The following FAT3 variants were observed in gnomAD, a reference collection of about 807,000 sequenced individuals.
FAT3 encodes FAT atypical cadherin 3, also known as protocadherin Fat 3.
Under a neutral mutation model 310.2 loss-of-function variants are expected in FAT3, and 95 were observed. The ratio of observed to expected loss-of-function variants is 0.31; its 90% confidence interval spans 0.26 to 0.36. The LOEUF is 0.36. FAT3 is among the 10% of genes least tolerant of loss of function. The pLI is 1.00. For synonymous variants in FAT3, 2,314 were observed against 2,192.9 expected (o/e 1.06, Z -1.54); for missense variants, 5,408 against 5,715.6 (o/e 0.95, Z 1.74).
At chr11:92,758,383 T>C (rs1000207287) in intron 4 of FAT3, among the ~76,000 whole-genome samples, 2 of 152,166 alleles carry the variant, frequency 1.3e-5, no homozygotes, top group Non-Finnish European at 2.9e-5. Flanking sequence ...TTTACAGGAA[T>C]GTTTGGATTG....
At chr11:92,668,835 C>A (rs1943039240) in intron 3 of FAT3, among the ~76,000 whole-genome samples, 1 of 152,176 alleles carries the variant, frequency 6.6e-6, no homozygotes, top group Admixed American at 6.5e-5. Context: ...CTTTAATATT[C>A]TGTGGTGCCA....
At chr11:92,434,845 T>A (rs888499287) in intron 2 of FAT3, among the ~76,000 whole-genome samples, 2 of 152,202 alleles carry the variant, frequency 1.3e-5, no homozygotes, top group Non-Finnish European at 2.9e-5. Flanking sequence ...GCCCATATGA[T>A]CTGAAAATCA....
chr11:92,288,808 G>C (rs1017669453), intron 1 of FAT3, among the ~76,000 whole-genome samples: 1 of 152,122 alleles, frequency 6.6e-6, no homozygotes, highest in African/African-American at 2.4e-5. Flanking sequence ...TTGCTAAAAA[G>C]GAGTATCATA....
chr11:92,587,157 C>T (rs1347484811), intron 3 of FAT3, among the ~76,000 whole-genome samples: 1 of 151,894 alleles, frequency 6.6e-6, no homozygotes, highest in Admixed American at 6.6e-5. Flanking sequence ...ATTGTGTGTA[C>T]TTTTACAGTC....
At chr11:92,887,298 G>T (rs1949818822) in intron 25 of FAT3, among the ~76,000 whole-genome samples, 185 bp downstream of exon 25, 1 of 152,196 alleles carries the variant, frequency 6.6e-6, no homozygotes, top group Admixed American at 6.5e-5. Context: ...CCCCCATTGA[G>T]CTGTAGCTGT....
At chr11:92,388,577 T>G (rs903031666) in intron 2 of FAT3, among the ~76,000 whole-genome samples, 2 of 152,180 alleles carry the variant, frequency 1.3e-5, no homozygotes, top group Admixed American at 1.3e-4. Flanking sequence ...TATTTAGGAT[T>G]TAATATTTTA....
chr11:92,414,661 G>T (rs2134944559), intron 2 of FAT3, among the ~76,000 whole-genome samples: 1 of 152,292 alleles, frequency 6.6e-6, no homozygotes, highest in East Asian at 1.9e-4. Flanking sequence ...ACAATAAAAG[G>T]ATAATTTTCT....
chr11:92,866,312 T>G (rs1186854844), intron 21 of FAT3, among the ~76,000 whole-genome samples: 1 of 152,190 alleles, frequency 6.6e-6, no homozygotes, highest in African/African-American at 2.4e-5. Context: ...TCCTTGGCAC[T>G]TAGTACACTG....
At chr11:92,685,660 C>T (rs1943613215) in intron 3 of FAT3, among the ~76,000 whole-genome samples, 1 of 151,030 alleles carries the variant, frequency 6.6e-6, no homozygotes, top group Non-Finnish European at 1.5e-5. Context: ...TATTGATGCC[C>T]TTCATATGCC....
At chr11:92,882,701 G>C (rs2136407038) in intron 23 of FAT3, 37 bp from the exon 24 acceptor site, 1 of 1,562,076 alleles carries the variant, frequency 6.4e-7, no homozygotes, top group Non-Finnish European at 8.7e-7. Flanking sequence ...GTGTGCACTG[G>C]TCCTGACGGT....
intron 2 of FAT3, among the ~76,000 whole-genome samples, chr11:92,363,501 C>T (rs1194921868): frequency 6.6e-6 from 1 of 152,202 alleles, no homozygotes; most frequent in Non-Finnish European, 1.5e-5. Context: ...GTTAATCTTT[C>T]CAACTTCTTT....
chr11:92,697,516 A>T lies in FAT3; in HGVS notation c.3669+71A>T. ...TAAACTTCTTTAACCTTCAACATAA[A>T]CTACACCTTCAATATATTTGAACAG... is the stretch of plus-strand genomic sequence containing the variant. On this transcript the variant is annotated intron_variant, in intron 4 of 27. Coordinates refer to ENST00000525166, the MANE Select transcript of FAT3 (RefSeq NM_001367949.2). 4 of 1,355,500 alleles carry T rather than the reference A, an allele frequency of 3.0e-6. No individual in the cohort carries two copies. The South Asian group carries it at 4.7e-5, about 16-fold the overall frequency. The allele number at this position is 1,355,500 out of a possible 1,614,324, so 84.0% of individuals were successfully genotyped here.
chr11:92,803,507 T>TTGAATCC (rs1947422681), intron 10 of FAT3, among the ~76,000 whole-genome samples: 1 of 152,192 alleles, frequency 6.6e-6, no homozygotes, highest in African/African-American at 2.4e-5. Context: ...TAAAGCATAA[T>TTGAATCC]TGAATCCTGG....
intron 1 of FAT3, among the ~76,000 whole-genome samples, chr11:92,324,296 C>T (rs1947709084): frequency 6.6e-6 from 1 of 152,196 alleles, no homozygotes; most frequent in African/African-American, 2.4e-5. Flanking sequence ...CACATCTTGG[C>T]TTTCAACATG....
chr11:92,456,869 A>C lies in FAT3; in HGVS notation c.3293-67765A>C, dbSNP rs147790036. On this transcript the variant is annotated intron_variant, in intron 2 of 27. Coordinates refer to ENST00000525166, the MANE Select transcript of FAT3 (RefSeq NM_001367949.2). ...TTTTTGGGCATGTGTGCCATGGTGA[A>C]CAGCGCTAGGATGAGACTGCCTTAT... is the stretch of plus-strand genomic sequence containing the variant. Among the ~76,000 whole-genome samples, 366 of 152,218 alleles carry C rather than the reference A, an allele frequency of 2.4e-3. 2 individuals are homozygous for C. Among genetic ancestry groups the C allele is most frequent in the African/African-American group, 7.8e-3 (323 of 41,532 alleles).
At chr11:92,705,633 TGTGA>T (rs1565527328) in intron 4 of FAT3, among the ~76,000 whole-genome samples, 2,463 of 2,534 alleles carry the variant, frequency 0.97, 1,218 homozygotes, top group South Asian at 1. Context: ...GATGGTGGTG[TGTGA>T]TGGTGGTTGG....
chr11:92,507,819 G>C (rs141743867), intron 2 of FAT3, among the ~76,000 whole-genome samples: 1 of 151,684 alleles, frequency 6.6e-6, no homozygotes, highest in African/African-American at 2.4e-5. Flanking sequence ...ATGTGTATAT[G>C]CCCCTTATAA....
intron 2 of FAT3, among the ~76,000 whole-genome samples, chr11:92,370,078 C>G (rs989547824): frequency 6.6e-6 from 1 of 152,160 alleles, no homozygotes; most frequent in African/African-American, 2.4e-5. Context: ...TTCACTCAGA[C>G]TCATTCTCCA....
chr11:92,845,989 T>A (rs1221917829), intron 19 of FAT3, among the ~76,000 whole-genome samples: 1 of 152,192 alleles, frequency 6.6e-6, no homozygotes, highest in Non-Finnish European at 1.5e-5. Context: ...ATGTCCAGAC[T>A]TGTTTAATAT....
Sources: gnomAD v4.1 joint callset for allele counts (sites outside exome capture counted in the v4.1 genomes callset) on GRCh38, gnomAD v4.1.1 for gene constraint, MANE v1.5 for transcripts, NCBI Gene and HGNC (gene_info 2026-07-23, HGNC 2026-07-21) for gene names.